AGMO: variants seen among roughly 807,000 people sequenced by gnomAD.
AGMO encodes alkylglycerol monooxygenase, also known as glyceryl-ether monooxygenase.
AGMO carries 75 observed loss-of-function variants against 60.2 expected under a neutral mutation model. That is an observed-to-expected ratio of 1.25 (90% CI 1.03 to 1.51). AGMO has a LOEUF of 1.51. AGMO is among the 40% of genes most tolerant of loss of function. The pLI is 0.00. For missense variants in AGMO, 763 were observed against 525.5 expected, an observed-to-expected ratio of 1.45 and a Z score of -4.42; for synonymous variants, 261 against 177.1, an observed-to-expected ratio of 1.47 and a Z score of -3.76.
At chr7:15,283,824 T>TA (rs1226939879) in intron 12 of AGMO, among the ~76,000 whole-genome samples, 3 of 151,474 alleles carry the variant, frequency 2.0e-5, no homozygotes, top group Non-Finnish European at 4.4e-5. Context: ...GACCATATGA[T>TA]AGGCCACAAA....
intron 12 of AGMO, among the ~76,000 whole-genome samples, chr7:15,238,030 T>C (rs976584494): frequency 6.6e-6 from 1 of 152,062 alleles, no homozygotes; most frequent in Non-Finnish European, 1.5e-5. Context: ...CCTAATCACA[T>C]TGACCAGCCT....
chr7:15,233,684 A>G (rs935198583), intron 12 of AGMO, among the ~76,000 whole-genome samples: 2 of 152,172 alleles, frequency 1.3e-5, no homozygotes, highest in African/African-American at 4.8e-5. Context: ...AAGCCCACAT[A>G]ACACACATTG....
At chr7:15,157,091 C>T in the AGMO span, among the ~76,000 whole-genome samples, 27 of 152,144 alleles carry the variant, frequency 1.8e-4, no homozygotes, top group Admixed American at 1.1e-3. Flanking sequence ...ACTTGAATTG[C>T]GGTCTACTTT....
At chr7:15,164,102 C>A in the AGMO span, among the ~76,000 whole-genome samples, 1 of 152,088 alleles carries the variant, frequency 6.6e-6, no homozygotes, top group Non-Finnish European at 1.5e-5. Flanking sequence ...CACATACTTA[C>A]AACCAACTGA....
At chr7:15,307,848 G>A (rs1780660141) in intron 12 of AGMO, among the ~76,000 whole-genome samples, 1 of 151,988 alleles carries the variant, frequency 6.6e-6, no homozygotes, top group South Asian at 2.1e-4. Flanking sequence ...AAATTTACAA[G>A]ACTAAATAAG....
At chr7:15,556,999 A>G (rs895849889) in intron 2 of AGMO, among the ~76,000 whole-genome samples, 2 of 152,014 alleles carry the variant, frequency 1.3e-5, no homozygotes, top group African/African-American at 4.8e-5. Flanking sequence ...TGTAAACAAG[A>G]CATAATATTG....
In AGMO at chr7:15,435,662, C is replaced by T. The variant is rs184406975; in HGVS notation, c.410-4554G>A. ...CATTTATTTTCTTCCAGGCCATAGC[C>T]TTTTTTTTAAATAGTGTCATACAAA... On this transcript the variant is annotated intron_variant, in intron 3 of 12. Coordinates refer to ENST00000342526, the MANE Select transcript of AGMO (RefSeq NM_001004320.2). 2.2e-4 allele frequency among the ~76,000 whole-genome samples: 33 copies of T among 151,652 alleles called. No homozygotes were observed. In the East Asian group the frequency reaches 5.8e-3, roughly 27 times the overall value.
At chr7:15,515,956 G>T (rs762145273) in intron 3 of AGMO, among the ~76,000 whole-genome samples, 3 of 152,084 alleles carry the variant, frequency 2.0e-5, no homozygotes, top group Non-Finnish European at 2.9e-5. Flanking sequence ...AGGTTCAAGA[G>T]ATCGATCGTA....
At chr7:15,313,629 G>C (rs761356956) in intron 12 of AGMO, among the ~76,000 whole-genome samples, 26 of 152,086 alleles carry the variant, frequency 1.7e-4, no homozygotes, top group Non-Finnish European at 2.6e-4. Context: ...AGAGGAGATA[G>C]AGTAAACTCA....
intron 12 of AGMO, among the ~76,000 whole-genome samples, chr7:15,207,882 C>T (rs576017574): frequency 4.6e-5 from 7 of 152,122 alleles, no homozygotes; most frequent in African/African-American, 1.7e-4. Context: ...TGCAGTGAGC[C>T]GAGATGGTGC....
rs377538069 is a variant in AGMO, at chr7:15,250,617, A to G, written c.1264-49258T>C. Among the ~76,000 whole-genome samples, 7 of 152,260 alleles carry G rather than the reference A, an allele frequency of 4.6e-5. No homozygotes were observed. The East Asian group carries it at 7.7e-4, about 17-fold the overall frequency. ...TATATCACTAAATTAATTTGCAGAT[A>G]TAAATATGAAACTGAAGAAATCTGG... On this transcript the variant is annotated intron_variant, in intron 12 of 12. Coordinates refer to ENST00000342526, the MANE Select transcript of AGMO (RefSeq NM_001004320.2).
In AGMO at chr7:15,378,615, ACT is replaced by A. The variant is rs552227197; in HGVS notation, c.1074+6829_1074+6830del. The stretch of plus-strand genomic sequence containing the variant: ...TAATAGTGGGAGACTTTACTACCCC[ACT>A]GACAATATTAGATCATCCAGACAGA... On this transcript the variant is annotated intron_variant, in intron 10 of 12. Transcript: ENST00000342526. 2.6e-5 allele frequency among the ~76,000 whole-genome samples: 4 copies of A among 151,914 alleles called. No homozygotes were observed. The South Asian group carries it at 8.3e-4, about 32-fold the overall frequency.
the AGMO span, among the ~76,000 whole-genome samples, chr7:15,194,282 A>G: frequency 2.6e-5 from 4 of 152,316 alleles, no homozygotes; most frequent in Admixed American, 6.5e-5. Flanking sequence ...AACTGATTGC[A>G]AAGTCCTTCA....
intron 12 of AGMO, among the ~76,000 whole-genome samples, chr7:15,262,406 G>C (rs1405604670): frequency 6.6e-6 from 1 of 151,810 alleles, no homozygotes; most frequent in Non-Finnish European, 1.5e-5. Context: ...AAATACTTTG[G>C]AATATACCTA....
intron 3 of AGMO, among the ~76,000 whole-genome samples, chr7:15,528,276 G>A (rs191837114): frequency 2.6e-5 from 4 of 152,046 alleles, no homozygotes; most frequent in Admixed American, 6.6e-5. Flanking sequence ...CTTAGTAAAC[G>A]ACAGTGTAGT....
At chr7:15,270,625 T>C (rs936174716) in intron 12 of AGMO, among the ~76,000 whole-genome samples, 5 of 85,968 alleles carry the variant, frequency 5.8e-5, no homozygotes, top group African/African-American at 1.8e-4. Context: ...TTTTTTTTTT[T>C]TTTTTTTTTT....
chr7:15,348,078 A>G (rs1296970580), intron 12 of AGMO, among the ~76,000 whole-genome samples: 5 of 152,052 alleles, frequency 3.3e-5, no homozygotes, highest in Non-Finnish European at 7.4e-5. Context: ...GATGTTTATC[A>G]TGTTATTGCC....
intron 3 of AGMO, among the ~76,000 whole-genome samples, chr7:15,516,126 A>T (rs143138495): frequency 5.9e-5 from 9 of 152,224 alleles, no homozygotes; most frequent in African/African-American, 2.2e-4. Context: ...TGTTTTACAC[A>T]ATAAATATAT....
At chr7:15,203,843 A>G (rs555235606) in intron 12 of AGMO, among the ~76,000 whole-genome samples, 1 of 152,114 alleles carries the variant, frequency 6.6e-6, no homozygotes, top group Non-Finnish European at 1.5e-5. Flanking sequence ...CTAGGAAATC[A>G]TTTCAAAGAA....
Sources: allele counts gnomAD v4.1 joint callset (sites outside exome capture counted in the v4.1 genomes callset), GRCh38; gene constraint gnomAD v4.1.1; transcripts MANE v1.5; gene names NCBI Gene and HGNC (gene_info 2026-07-23, HGNC 2026-07-21).